The following WIPF3 variants were observed in gnomAD, a reference collection of about 807,000 sequenced individuals.
WIPF3 encodes WAS/WASL interacting protein family member 3, also known as WAS/WASL-interacting protein family member 3.
Under a neutral mutation model 38.9 loss-of-function variants are expected in WIPF3, and 33 were observed. That is an observed-to-expected ratio of 0.85 (90% CI 0.64 to 1.14). WIPF3 has a LOEUF of 1.14. WIPF3 is among the 50% of genes most tolerant of loss of function. The pLI is 0.00. For synonymous variants in WIPF3, 324 were observed against 269.3 expected (o/e 1.20, Z -1.99); for missense variants, 711 against 652.5 (o/e 1.09, Z -0.98).
At chr7:29,875,714 C>G in intron 2 of WIPF3, 116 bp from the exon 3 acceptor site, 1 of 1,387,888 alleles carries the variant, frequency 7.2e-7, no homozygotes, top group Non-Finnish European at 1.0e-6. Context: ...CTGAGATCAG[C>G]CTTGGGAGTG....
intron 8 of WIPF3, among the ~76,000 whole-genome samples, chr7:29,906,959 T>A (rs1786409718): frequency 6.6e-6 from 1 of 152,162 alleles, no homozygotes; most frequent in African/African-American, 2.4e-5. Context: ...ATTAAGATAT[T>A]CACAGATAAA....
chr7:29,833,115 C>T, intron 1 of WIPF3, among the ~76,000 whole-genome samples: 1 of 152,152 alleles, frequency 6.6e-6, no homozygotes, highest in East Asian at 1.9e-4. Context: ...CTAGACTAGA[C>T]AAATTCATAG....
chr7:29,869,340 C>T (rs935817839), intron 2 of WIPF3, among the ~76,000 whole-genome samples: 1 of 152,216 alleles, frequency 6.6e-6, no homozygotes, highest in Non-Finnish European at 1.5e-5. Flanking sequence ...TATCCCCACT[C>T]TTAACACCAT....
At chr7:29,876,493 G>C (rs967287582) in intron 3 of WIPF3, among the ~76,000 whole-genome samples, 2 of 152,160 alleles carry the variant, frequency 1.3e-5, no homozygotes, top group African/African-American at 4.8e-5. Context: ...ATGGCCTTTT[G>C]TGGCTGGCTT....
At chr7:29,859,359 C>T (rs1320453254) in intron 2 of WIPF3, among the ~76,000 whole-genome samples, 1 of 152,104 alleles carries the variant, frequency 6.6e-6, no homozygotes, top group Non-Finnish European at 1.5e-5. Context: ...CATCTGAGGG[C>T]CAGGGATGCC....
At chr7:29,858,202 G>C (rs1785216763) in intron 2 of WIPF3, among the ~76,000 whole-genome samples, 1 of 152,228 alleles carries the variant, frequency 6.6e-6, no homozygotes, top group African/African-American at 2.4e-5. Flanking sequence ...AGTTGATGAT[G>C]TTTGTTAAAC....
intron 2 of WIPF3, among the ~76,000 whole-genome samples, chr7:29,872,107 C>T (rs190272291): frequency 1.1e-4 from 17 of 152,182 alleles, no homozygotes; most frequent in Admixed American, 9.2e-4. Flanking sequence ...ATAGTTTTGC[C>T]GTGGGAAAAG....
At chr7:29,832,311 C>T (rs1784735474) in intron 1 of WIPF3, among the ~76,000 whole-genome samples, 1 of 152,156 alleles carries the variant, frequency 6.6e-6, no homozygotes, top group Admixed American at 6.5e-5. Flanking sequence ...TGTGCTTGTT[C>T]CAACTAAATT....
At chr7:29,817,870 A>G (rs1562769459) in intron 1 of WIPF3, among the ~76,000 whole-genome samples, 4 of 152,176 alleles carry the variant, frequency 2.6e-5, no homozygotes, top group African/African-American at 7.2e-5. Flanking sequence ...TTAAATTTAT[A>G]CATTAATATA....
chr7:29,872,460 C>G lies in WIPF3; in HGVS notation c.91-3370C>G, dbSNP rs537645395. On this transcript the variant is annotated intron_variant, in intron 2 of 8. Coordinates refer to ENST00000242140, the MANE Select transcript of WIPF3 (RefSeq NM_001080529.3). The stretch of plus-strand genomic sequence containing the variant: ...TTGCCACAAAATTGTTAATTCCTTC[C>G]TGCCGCACAGGAGAGGAGAGGATTG... 4.6e-5 allele frequency among the ~76,000 whole-genome samples: 7 copies of G among 152,190 alleles called. No homozygotes were observed. In the South Asian group the frequency reaches 1.5e-3, roughly 32 times the overall value.
At chr7:29,888,333 C>A in intron 6 of WIPF3, 116 bp downstream of exon 6, 1 of 1,340,312 alleles carries the variant, frequency 7.5e-7, no homozygotes, top group Non-Finnish European at 1.0e-6. Flanking sequence ...ATGCTTCTTT[C>A]ATGAACAGGG....
chr7:29,888,503 G>GTGTA (rs1554347989), intron 6 of WIPF3, among the ~76,000 whole-genome samples: 7 of 88,670 alleles, frequency 7.9e-5, no homozygotes, highest in African/African-American at 2.7e-4. Flanking sequence ...GCGTGTGCGT[G>GTGTA]TGTGTGCGTG....
At chr7:29,849,033 T>C (rs1454565427) in intron 2 of WIPF3, among the ~76,000 whole-genome samples, 1 of 152,188 alleles carries the variant, frequency 6.6e-6, no homozygotes, top group Non-Finnish European at 1.5e-5. Flanking sequence ...AGATCAAATA[T>C]TATATGCTTT....
At chr7:29,858,003 T>A (rs899617938) in intron 2 of WIPF3, among the ~76,000 whole-genome samples, 10 of 152,250 alleles carry the variant, frequency 6.6e-5, no homozygotes, top group Non-Finnish European at 1.5e-4. Flanking sequence ...CAGAGATTAT[T>A]GGCATTTTAA....
intron 8 of WIPF3, among the ~76,000 whole-genome samples, chr7:29,906,341 A>T (rs1170813363): frequency 1.3e-5 from 2 of 152,216 alleles, no homozygotes; most frequent in African/African-American, 4.8e-5. Flanking sequence ...GGAAGTATCA[A>T]TAAAGAGGAA....
chr7:29,899,393 A>G (rs983570050), intron 7 of WIPF3, among the ~76,000 whole-genome samples: 1 of 152,174 alleles, frequency 6.6e-6, no homozygotes, highest in Non-Finnish European at 1.5e-5. Context: ...TCTTCAAAGC[A>G]TTTATCACCT....
Position 29,878,408 on chromosome 7 carries a change from ACCTTT to A in WIPF3, c.224-597_224-593del, listed in dbSNP as rs768351460. On this transcript the variant is annotated intron_variant, in intron 3 of 8. Transcript: ENST00000242140. The surrounding 1 kb of genome is among the most constrained non-coding windows in gnomAD (Gnocchi z 4.0). ...TGTCTGGAAGGCTGGAGTTAGTGACACCTTTCCTCAGGGGCTCATGATCTTTCCGT... is the reference window on the plus strand; with the variant it reads ...TGTCTGGAAGGCTGGAGTTAGTGACACCTCAGGGGCTCATGATCTTTCCGT... Among the ~76,000 whole-genome samples the A allele has an allele frequency of 3.3e-5, 5 of 152,140 alleles. No individual in the cohort carries two copies. Among genetic ancestry groups the A allele is most frequent in the South Asian group, 2.1e-4 (1 of 4,832 alleles).
In WIPF3 at chr7:29,901,566, G is replaced by A. The variant is rs371798498; in HGVS notation, c.1352-2720G>A. On this transcript the variant is annotated intron_variant, in intron 7 of 8. Coordinates refer to ENST00000242140, the MANE Select transcript of WIPF3 (RefSeq NM_001080529.3). Reference sequence around the variant, plus strand: ...GACACTTTGGGAGGCTGAGGTGGGCGGATCGCTTGAGCTCAGGAGTTCAAG... The same window carrying A: ...GACACTTTGGGAGGCTGAGGTGGGCAGATCGCTTGAGCTCAGGAGTTCAAG... 1.3e-4 allele frequency among the ~76,000 whole-genome samples: 19 copies of A among 151,778 alleles called. No homozygotes were observed. The East Asian group carries it at 1.6e-3, about 12-fold the overall frequency.
At chr7:29,862,574 C>T (rs1314530155) in intron 2 of WIPF3, among the ~76,000 whole-genome samples, 3 of 152,120 alleles carry the variant, frequency 2.0e-5, no homozygotes, top group Admixed American at 2.0e-4. Flanking sequence ...ATGAGCTGTG[C>T]AAAGAGTCGG....
Sources: gnomAD v4.1 joint callset for allele counts (sites outside exome capture counted in the v4.1 genomes callset) on GRCh38, gnomAD v4.1.1 for gene constraint, Gnocchi (gnomAD v3.1) non-coding constraint, MANE v1.5 for transcripts, NCBI Gene and HGNC (gene_info 2026-07-23, HGNC 2026-07-21) for gene names.